ANK3: variants seen among roughly 807,000 people sequenced by gnomAD.
ANK3 encodes the protein ankyrin 3, also known as ankyrin-3.
ANK3 carries 57 observed loss-of-function variants against 370.9 expected under a neutral mutation model. The observed-to-expected ratio is 0.15, with a 90% CI of 0.12 to 0.19. The LOEUF (loss-of-function observed/expected upper bound fraction) is 0.19. ANK3 is among the 10% of genes least tolerant of loss of function. The probability of loss-of-function intolerance (pLI) is 1.00; values close to 1 mark genes in which losing one functional copy is unlikely to be tolerated. For synonymous variants in ANK3, 1,929 were observed against 1,946.3 expected (o/e 0.99, Z 0.23); for missense variants, 4,439 against 5,302.1 (o/e 0.84, Z 5.06).
chr10:60,557,759 A>T (rs2133243034), intron 2 of ANK3, among the ~76,000 whole-genome samples: 1 of 152,290 alleles, frequency 6.6e-6, no homozygotes, highest in East Asian at 1.9e-4. Context: ...CCCCAGAGGG[A>T]AATTCTATAA....
intron 5 of ANK3, among the ~76,000 whole-genome samples, chr10:60,267,030 A>C (rs2097891745): frequency 6.6e-6 from 1 of 152,190 alleles, no homozygotes; most frequent in Admixed American, 6.5e-5. Context: ...TAATACAAAA[A>C]CGTTTTAAAA....
chr10:60,454,720 T>C (rs929493948), intron 2 of ANK3, among the ~76,000 whole-genome samples: 2 of 152,260 alleles, frequency 1.3e-5, no homozygotes, highest in South Asian at 2.1e-4. Context: ...AAAGATAAAA[T>C]AATTTATCTC....
At chr10:60,042,482 A>T (rs1189434827) in intron 43 of ANK3, among the ~76,000 whole-genome samples, 190 bp downstream of exon 43, 1 of 152,252 alleles carries the variant, frequency 6.6e-6, no homozygotes, top group Non-Finnish European at 1.5e-5. Flanking sequence ...GGACTGTGAA[A>T]CCGAAGTCAA....
intron 36 of ANK3, among the ~76,000 whole-genome samples, chr10:60,079,280 G>T (rs1233961787): frequency 6.7e-6 from 1 of 148,872 alleles, no homozygotes; most frequent in African/African-American, 2.5e-5. Context: ...TATGTTTCTG[G>T]GAGGATTTCG....
chr10:60,405,313 C>A (rs1281941335), intron 2 of ANK3, among the ~76,000 whole-genome samples: 2 of 152,098 alleles, frequency 1.3e-5, no homozygotes. Flanking sequence ...GTGGTGTACT[C>A]ATACAATTAA....
chr10:60,098,841 T>A (rs184285664), intron 28 of ANK3, among the ~76,000 whole-genome samples: 1 of 152,296 alleles, frequency 6.6e-6, no homozygotes, highest in Admixed American at 6.5e-5. Flanking sequence ...AGGGTAGAGA[T>A]CCTCTTTGCT....
chr10:60,060,486 T>A (rs868662295), intron 40 of ANK3: 1 of 152,288 alleles, frequency 6.6e-6, no homozygotes, highest in Non-Finnish European at 1.5e-5. Flanking sequence ...TACAACTTAT[T>A]TTAAGAACTG....
intron 1 of ANK3, among the ~76,000 whole-genome samples, chr10:60,648,791 G>T (rs962394459): frequency 2.2e-5 from 2 of 92,024 alleles, no homozygotes; most frequent in African/African-American, 3.8e-5. Flanking sequence ...AAAAATTCTT[G>T]CTGGGAGTAG....
At chr10:60,291,347 T>C (rs539971997) in intron 1 of ANK3, among the ~76,000 whole-genome samples, 1 of 152,316 alleles carries the variant, frequency 6.6e-6, no homozygotes, top group African/African-American at 2.4e-5. Flanking sequence ...TAACATTTTG[T>C]CTTGATTTGC....
chr10:60,067,228 T>C (rs573313165), intron 38 of ANK3, among the ~76,000 whole-genome samples: 11 of 152,348 alleles, frequency 7.2e-5, no homozygotes, highest in Admixed American at 1.3e-4. Context: ...GTGAATTAAA[T>C]ATATTTATTT....
intron 2 of ANK3, among the ~76,000 whole-genome samples, chr10:60,496,259 A>T (rs2133132212): frequency 6.6e-6 from 1 of 152,316 alleles, no homozygotes; most frequent in East Asian, 1.9e-4. Flanking sequence ...GTACTTACCA[A>T]TTCAAACAAG....
rs936005821 is a variant in ANK3, at chr10:60,260,402, C to T, written c.798+1457G>A. 2.0e-5 allele frequency among the ~76,000 whole-genome samples: 3 copies of T among 152,208 alleles called. No homozygotes were observed. The East Asian group carries it at 5.8e-4, about 29-fold the overall frequency. On this transcript the variant is annotated intron_variant, in intron 7 of 43. Coordinates refer to ENST00000280772, the MANE Select transcript of ANK3 (RefSeq NM_020987.5). ...TACTGCTGATGCAACTACCACTGTACTGCTGTTGCTAGCATTATACACTAT... is the reference window on the plus strand; with the variant it reads ...TACTGCTGATGCAACTACCACTGTATTGCTGTTGCTAGCATTATACACTAT...
Position 60,046,846 on chromosome 10 carries a change from G to T in ANK3, c.13066-4087C>A, listed in dbSNP as rs188212959. ...TTTTGAGATGGAGTCTCGCTCTGTT[G>T]CCCCAGCTGGAGTGCAGTGGCGCGA... On this transcript the variant is annotated intron_variant, in intron 42 of 43. Transcript: ENST00000280772. Among the ~76,000 whole-genome samples, 579 of 133,046 alleles carry T rather than the reference G, an allele frequency of 4.4e-3. 4 individuals carry two copies. Among genetic ancestry groups the T allele is most frequent in the African/African-American group, 0.016 (562 of 34,186 alleles). The allele number at this position is 133,046 out of a possible 152,430, so 87.3% of individuals were successfully genotyped here. A position where few individuals can be genotyped will look rare whatever the true frequency, so the allele number is the denominator to read the frequency against.
chr10:60,599,673 G>A (rs1012968255), intron 2 of ANK3, among the ~76,000 whole-genome samples: 1 of 152,056 alleles, frequency 6.6e-6, no homozygotes. Flanking sequence ...ATCCTAACTG[G>A]TGTTCTTGCT....
intron 1 of ANK3, among the ~76,000 whole-genome samples, chr10:60,348,399 G>A (rs2056168465): frequency 6.7e-6 from 1 of 148,240 alleles, no homozygotes; most frequent in African/African-American, 2.5e-5. Flanking sequence ...CGAACTAACT[G>A]GCTGTCTCAG....
rs149171946 is a variant in ANK3 at position 60,585,885 on chromosome 10, G to A, written c.96+29301C>T. Among the ~76,000 whole-genome samples, 33 of 152,184 alleles carry A rather than the reference G, an allele frequency of 2.2e-4. No individual in the cohort carries two copies. In the East Asian group the frequency reaches 2.5e-3, roughly 12 times the overall value. On this transcript the variant is annotated intron_variant, in intron 2 of 43. Coordinates refer to the ANK3 transcript ENST00000373827. Reference sequence around the variant, plus strand: ...CCAAAGATTCAAAAATTAGCTCGACGTGGTGGCGGGTACCTGTAATCCCAG... The same window carrying A: ...CCAAAGATTCAAAAATTAGCTCGACATGGTGGCGGGTACCTGTAATCCCAG...
chr10:60,105,784 G>T, intron 28 of ANK3, 121 bp downstream of exon 28: 2 of 1,043,970 alleles, frequency 1.9e-6, no homozygotes, highest in Non-Finnish European at 2.7e-6. Flanking sequence ...AAAAGCTGAA[G>T]AACTTGGGTC....
chr10:60,534,376 A>G (rs966757621), intron 2 of ANK3, among the ~76,000 whole-genome samples: 31 of 152,124 alleles, frequency 2.0e-4, no homozygotes, highest in African/African-American at 7.2e-4. Context: ...ACTCTGGATC[A>G]CTTGGGAAAC....
intron 1 of ANK3, among the ~76,000 whole-genome samples, chr10:60,369,300 C>G (rs935301534): frequency 6.6e-6 from 1 of 152,182 alleles, no homozygotes; most frequent in Admixed American, 6.5e-5. Context: ...TTACCATAAA[C>G]AGTTTATTGT....
Sources: gnomAD v4.1 joint callset for allele counts (sites outside exome capture counted in the v4.1 genomes callset) on GRCh38, gnomAD v4.1.1 for gene constraint, MANE v1.5 for transcripts, NCBI Gene and HGNC (gene_info 2026-07-23, HGNC 2026-07-21) for gene names.